The following SYCE1L variants were observed in gnomAD, a reference collection of about 807,000 sequenced individuals.
SYCE1L encodes synaptonemal complex central element protein 1-like.
SYCE1L carries 51 observed loss-of-function variants against 39.6 expected under a neutral mutation model. The observed-to-expected ratio is 1.29, with a 90% confidence interval of 1.03 to 1.63. The LOEUF (loss-of-function observed/expected upper bound fraction) is 1.63, where lower values mean the gene tolerates loss of function less well. Among genes scored for constraint, SYCE1L ranks in the 40% most tolerant of loss-of-function variants. The pLI, the probability that SYCE1L is intolerant of heterozygous loss-of-function variation, is 0.00. For synonymous variants in SYCE1L, 147 were observed against 122.4 expected (o/e 1.20, Z -1.33); for missense variants, 426 against 304.9 (o/e 1.40, Z -2.96).
chr16:77,203,475 A>G (rs2054761100), intron 1 of SYCE1L, among the ~76,000 whole-genome samples: 1 of 149,448 alleles, frequency 6.7e-6, no homozygotes, highest in African/African-American at 2.5e-5. Context: ...TCAAAAAAAA[A>G]TCTAATAAGC....
At chr16:77,211,378 G>A (rs2142520628) in intron 7 of SYCE1L, 102 bp downstream of exon 7, 1 of 1,325,332 alleles carries the variant, frequency 7.5e-7, no homozygotes, top group African/African-American at 1.5e-5. Context: ...AATGCCGCGG[G>A]ATAGTCCTTG....
chr16:77,206,315 T>G, intron 1 of SYCE1L, 126 bp from the exon 2 acceptor site: 1 of 750,470 alleles, frequency 1.3e-6, no homozygotes, highest in East Asian at 2.7e-5. Flanking sequence ...GATGGAAACC[T>G]GTCTGTCATT....
intron 6 of SYCE1L, 112 bp downstream of exon 6, chr16:77,209,583 A>G (rs2054808973): frequency 8.8e-7 from 1 of 1,142,564 alleles, no homozygotes; most frequent in Non-Finnish European, 1.3e-6. Flanking sequence ...ACCTTTCTAT[A>G]AAATAGAGCA....
intron 2 of SYCE1L, 34 bp from the exon 3 acceptor site, chr16:77,208,176 C>T: frequency 6.5e-7 from 1 of 1,546,226 alleles, no homozygotes; most frequent in South Asian, 1.2e-5. Flanking sequence ...CACCAGTCTT[C>T]TCTGGCTCAC....
chr16:77,203,895 G>A (rs116200011), intron 1 of SYCE1L, among the ~76,000 whole-genome samples: 127 of 151,828 alleles, frequency 8.4e-4, no homozygotes, highest in African/African-American at 2.8e-3. Flanking sequence ...GCACCCGGCC[G>A]TTACTTCCAA....
At chr16:77,204,119 T>G (rs1398870586) in intron 1 of SYCE1L, among the ~76,000 whole-genome samples, 4 of 152,124 alleles carry the variant, frequency 2.6e-5, no homozygotes, top group Non-Finnish European at 4.4e-5. Context: ...GGTAAGAGTA[T>G]GATTTTGGGG....
At position 77,201,491 on chromosome 16, in the gene SYCE1L, C is replaced by G. The variant is rs372653843; in HGVS notation, c.61+1979C>G. On this transcript the variant is annotated intron_variant, in intron 1 of 10. Transcript: ENST00000378644. ...ATTGACGACCTTGTAGAGAAACAGG[C>G]CTTTTCCTGCCTCAGGGAAGAGAGC... 4 of 152,304 alleles carry G rather than the reference C, an allele frequency of 2.6e-5. No homozygotes were observed. In the East Asian group the frequency reaches 7.7e-4, roughly 29 times the overall value. The allele number at this position is 152,304 out of a possible 1,614,324, so 9.4% of individuals were successfully genotyped here.
chr16:77,210,513 A>G (rs1304205675), intron 6 of SYCE1L, among the ~76,000 whole-genome samples: 2 of 152,114 alleles, frequency 1.3e-5, no homozygotes, highest in Admixed American at 6.5e-5. Flanking sequence ...CCTCACAATG[A>G]TAATTATAGG....
intron 1 of SYCE1L, among the ~76,000 whole-genome samples, chr16:77,203,926 AAAC>A (rs1300362957): frequency 6.6e-6 from 1 of 152,092 alleles, no homozygotes; most frequent in Non-Finnish European, 1.5e-5. Flanking sequence ...ATAAGCAGTG[AAAC>A]AACATCTCGC....
intron 1 of SYCE1L, among the ~76,000 whole-genome samples, chr16:77,203,232 G>C (rs961369067): frequency 6.6e-6 from 1 of 152,184 alleles, no homozygotes; most frequent in Non-Finnish European, 1.5e-5. Context: ...CCGAACTGCT[G>C]GCAGTGGTTA....
At chr16:77,212,673 G>T in intron 10 of SYCE1L, 27 bp downstream of exon 10, 1 of 1,524,816 alleles carries the variant, frequency 6.6e-7, no homozygotes, top group Non-Finnish European at 8.8e-7. Flanking sequence ...AGGGAGGCGG[G>T]GCGGGCAGGG....
At chr16:77,199,785 A>G in intron 1 of SYCE1L, 2 of 335,256 alleles carry the variant, frequency 6.0e-6, no homozygotes, top group Non-Finnish European at 1.1e-5. Context: ...AAAGTCTTCA[A>G]ACAAAAGTGG....
intron 1 of SYCE1L, among the ~76,000 whole-genome samples, chr16:77,202,985 C>T (rs2054757496): frequency 6.6e-6 from 1 of 151,872 alleles, no homozygotes; most frequent in South Asian, 2.1e-4. Context: ...GTCTTATTTC[C>T]AAAATATTAA....
intron 1 of SYCE1L, chr16:77,200,128 G>A (rs1301704350): frequency 1.3e-5 from 2 of 150,670 alleles, no homozygotes; most frequent in East Asian, 3.9e-4. Flanking sequence ...TTAGGAGTTC[G>A]AGGCCAGCCT....
chr16:77,213,157 AG>A lies in SYCE1L; in HGVS notation c.*227del. ...AATGCTCCTGAACTCAGAGAGAGTA[AG>A]TGGGTGTCAGTATCCCCCGCCCCAC... On this transcript the variant is annotated 3_prime_UTR_variant, in exon 11 of 11. Coordinates refer to ENST00000378644, the MANE Select transcript of SYCE1L (RefSeq NM_001129979.3). 4.9e-6 allele frequency: 2 copies of A among 407,916 alleles called. No individual in the cohort carries two copies. The highest frequency in any genetic ancestry group is 7.2e-5 in the East Asian group (2 of 27,788). The allele number at this position is 407,916 out of a possible 1,614,324, so 25.3% of individuals were successfully genotyped here.
At chr16:77,204,967 C>G (rs1038694883) in intron 1 of SYCE1L, among the ~76,000 whole-genome samples, 2 of 149,906 alleles carry the variant, frequency 1.3e-5, no homozygotes, top group African/African-American at 4.9e-5. Flanking sequence ...ATCGCTTGAA[C>G]CTGGGAGGCA....
At position 77,212,629 on chromosome 16, in the gene SYCE1L, G is replaced by T; in HGVS notation, c.637G>T (p.Gly213Trp). The T allele has an allele frequency of 6.5e-7, 1 of 1,535,090 alleles. No homozygotes were observed. The highest frequency in any genetic ancestry group is 8.7e-7 in the Non-Finnish European group (1 of 1,146,162). Residue 213 changes from glycine (G) to tryptophan (W), a missense_variant, in exon 10 of 11, where the codon GGG becomes TGG. Coordinates refer to ENST00000378644, the MANE Select transcript of SYCE1L (RefSeq NM_001129979.3). The stretch of plus-strand genomic sequence containing the variant: ...GCAGGTCCGGAGCGCCCCCGAGGTC[G>T]GGGCCGGCGAGGGAGAGGTAGGGAG... ...GEQVRSAPEVGAGEGEAGPEL... is the reference protein window; with the variant it reads ...GEQVRSAPEVWAGEGEAGPEL...
chr16:77,208,333 TCCA>T lies in SYCE1L; in HGVS notation c.181+67_181+69del, dbSNP rs2142517558. On this transcript the variant is annotated intron_variant, in intron 3 of 10. Transcript: ENST00000378644. The stretch of plus-strand genomic sequence containing the variant: ...AGGAAGTGACTGGATTTATAATGAA[TCCA>T]CCTCCTCATCTATAAAATCTAGGCC... The T allele has an allele frequency of 5.2e-6, 8 of 1,543,074 alleles. 1 individual carries two copies. The South Asian group carries it at 9.6e-5, about 18-fold the overall frequency.
intron 1 of SYCE1L, among the ~76,000 whole-genome samples, chr16:77,203,861 C>T (rs2054765472): frequency 6.6e-6 from 1 of 152,114 alleles, no homozygotes; most frequent in African/African-American, 2.4e-5. Context: ...TCCCAAAGTG[C>T]TGGGATTACA....
Sources: allele counts gnomAD v4.1 joint callset (sites outside exome capture counted in the v4.1 genomes callset), GRCh38; gene constraint gnomAD v4.1.1; transcripts MANE v1.5; gene names NCBI Gene and HGNC (gene_info 2026-07-23, HGNC 2026-07-21).